SGCZ: variants seen among roughly 807,000 people sequenced by gnomAD.
The protein encoded by SGCZ is sarcoglycan zeta.
In SGCZ, 40 loss-of-function variants were observed where a neutral mutation model predicts 41.3. The observed-to-expected ratio is 0.97, with a 90% confidence interval of 0.75 to 1.26. SGCZ has a LOEUF of 1.26. Among genes scored for constraint, SGCZ ranks in the 50% most tolerant of loss-of-function variants. The pLI, the probability that SGCZ is intolerant of heterozygous loss-of-function variation, is 0.00. For missense variants in SGCZ, 552 were observed against 369.8 expected, an observed-to-expected ratio of 1.49 and a Z score of -4.04; for synonymous variants, 206 against 137.5, an observed-to-expected ratio of 1.50 and a Z score of -3.49.
intron 1 of SGCZ, among the ~76,000 whole-genome samples, chr8:14,609,955 A>G (rs558854204): frequency 1.3e-5 from 2 of 152,356 alleles, no homozygotes; most frequent in African/African-American, 4.8e-5. Context: ...AATTAAACAA[A>G]AATAAATAAA....
intron 1 of SGCZ, among the ~76,000 whole-genome samples, chr8:14,995,281 C>G (rs948629925): frequency 3.3e-5 from 5 of 152,152 alleles, no homozygotes; most frequent in African/African-American, 1.2e-4. Flanking sequence ...AGACAAAGAA[C>G]TAATAAATGA....
intron 1 of SGCZ, among the ~76,000 whole-genome samples, chr8:15,081,676 T>G (rs181228816): frequency 5.9e-5 from 9 of 152,262 alleles, no homozygotes; most frequent in East Asian, 1.9e-4. Flanking sequence ...TTGTAATTAG[T>G]GATAATGAAG....
At chr8:15,196,530 T>C (rs1025454741) in intron 1 of SGCZ, among the ~76,000 whole-genome samples, 7 of 150,788 alleles carry the variant, frequency 4.6e-5, no homozygotes, top group African/African-American at 1.7e-4. Context: ...TAAGATTGTA[T>C]TATATTGTGG....
intron 1 of SGCZ, among the ~76,000 whole-genome samples, chr8:14,962,000 A>G (rs1234275486): frequency 2.0e-5 from 3 of 152,250 alleles, no homozygotes; most frequent in East Asian, 3.9e-4. Flanking sequence ...TTATTTTATC[A>G]TATGTATCAT....
intron 1 of SGCZ, among the ~76,000 whole-genome samples, chr8:15,154,053 A>C (rs1799255740): frequency 6.6e-6 from 1 of 152,034 alleles, no homozygotes; most frequent in Admixed American, 6.6e-5. Context: ...GATGCAACTG[A>C]TCTGACAGGA....
rs185770213 is a variant in SGCZ at position 15,227,295 on chromosome 8, C to T, written c.39+10290G>A. Among the ~76,000 whole-genome samples, 21 of 152,158 alleles carry T rather than the reference C, an allele frequency of 1.4e-4. No homozygotes were observed. In the East Asian group the frequency reaches 1.7e-3, roughly 13 times the overall value. ...GTGTTTTTCTCGTGGCATACACAAA[C>T]GAGCTATTAAATGATTCTGAGAGTG... is the stretch of plus-strand genomic sequence containing the variant. On this transcript the variant is annotated intron_variant, in intron 1 of 7. Coordinates refer to ENST00000382080, the MANE Select transcript of SGCZ (RefSeq NM_139167.4).
chr8:14,871,230 A>G (rs772334062), intron 1 of SGCZ, among the ~76,000 whole-genome samples: 2 of 152,010 alleles, frequency 1.3e-5, no homozygotes, highest in Non-Finnish European at 2.9e-5. Context: ...AAAAGTCAGG[A>G]AACAACAGAT....
chr8:14,718,197 G>A (rs1809756367), intron 1 of SGCZ, among the ~76,000 whole-genome samples: 1 of 151,634 alleles, frequency 6.6e-6, no homozygotes, highest in Non-Finnish European at 1.5e-5. Flanking sequence ...AACAAAAACT[G>A]TGGTGTTTTT....
intron 4 of SGCZ, among the ~76,000 whole-genome samples, chr8:14,212,331 G>A (rs13261526): frequency 2.6e-5 from 4 of 151,798 alleles, no homozygotes; most frequent in East Asian, 3.9e-4. Context: ...CATCTCCAAC[G>A]CCTTACCCAT....
At chr8:14,575,913 C>CTAAAAAAAAA (rs1804694388) in intron 1 of SGCZ, among the ~76,000 whole-genome samples, 1 of 100,004 alleles carries the variant, frequency 1.0e-5, no homozygotes, top group Non-Finnish European at 1.9e-5. Flanking sequence ...CTCAAAATAA[C>CTAAAAAAAAA]AAAAAAAAAA....
intron 4 of SGCZ, among the ~76,000 whole-genome samples, chr8:14,171,238 A>T (rs73213591): frequency 0.027 from 3,983 of 147,764 alleles, 74 homozygotes; most frequent in Non-Finnish European, 0.044. Flanking sequence ...TGACACATGT[A>T]TCAGGGTAGT....
chr8:14,486,540 G>A (rs541107230), intron 2 of SGCZ, among the ~76,000 whole-genome samples: 12 of 152,316 alleles, frequency 7.9e-5, no homozygotes, highest in African/African-American at 2.9e-4. Flanking sequence ...GAGAACTTAG[G>A]ATTAACTGCA....
intron 1 of SGCZ, among the ~76,000 whole-genome samples, chr8:14,603,106 G>A (rs1170233819): frequency 6.6e-6 from 1 of 152,128 alleles, no homozygotes; most frequent in Admixed American, 6.5e-5. Flanking sequence ...AAGGAGCTAG[G>A]TGGCCTGGGA....
intron 2 of SGCZ, among the ~76,000 whole-genome samples, chr8:14,471,990 G>C (rs1179886788): frequency 1.3e-5 from 2 of 151,976 alleles, no homozygotes; most frequent in African/African-American, 4.8e-5. Flanking sequence ...GTTTACCTCT[G>C]TGGCAGTTAA....
chr8:14,269,284 T>G (rs774279952), intron 3 of SGCZ, among the ~76,000 whole-genome samples: 8 of 152,320 alleles, frequency 5.3e-5, no homozygotes, highest in East Asian at 3.9e-4. Flanking sequence ...ATTAAATAAT[T>G]CAACTGTTCT....
At chr8:14,633,223 G>C (rs1246520831) in intron 1 of SGCZ, among the ~76,000 whole-genome samples, 1 of 151,892 alleles carries the variant, frequency 6.6e-6, no homozygotes, top group South Asian at 2.1e-4. Flanking sequence ...ATGTCTTGCT[G>C]TCCTTTTATT....
intron 1 of SGCZ, among the ~76,000 whole-genome samples, chr8:14,597,981 A>G (rs746537568): frequency 1.3e-5 from 2 of 152,196 alleles, no homozygotes; most frequent in South Asian, 2.1e-4. Context: ...AATGTTTTGA[A>G]AAATACATAT....
chr8:14,401,491 C>T (rs139827883), intron 2 of SGCZ, among the ~76,000 whole-genome samples: 3,916 of 137,132 alleles, frequency 0.029, 163 homozygotes, highest in African/African-American at 0.099. Context: ...CCTGTGTCCA[C>T]GTGATCTCAT....
intron 1 of SGCZ, among the ~76,000 whole-genome samples, chr8:14,800,060 T>C (rs1801269916): frequency 6.6e-6 from 1 of 152,094 alleles, no homozygotes; most frequent in Non-Finnish European, 1.5e-5. Flanking sequence ...CCAAAACCAT[T>C]ATGTACTCTA....
Sources: allele counts gnomAD v4.1 joint callset (sites outside exome capture counted in the v4.1 genomes callset), GRCh38; gene constraint gnomAD v4.1.1; transcripts MANE v1.5; gene names NCBI Gene and HGNC (gene_info 2026-07-23, HGNC 2026-07-21).